The following NALF1 variants were observed in gnomAD, a reference collection of about 807,000 sequenced individuals.
The protein encoded by NALF1 is NALCN channel auxiliary factor 1, also known as family with sequence similarity 155 member A.
A neutral mutation model predicts 48.4 loss-of-function variants in NALF1; 3 were observed. The observed-to-expected ratio is 0.06, with a 90% CI of 0.03 to 0.16. NALF1 has a LOEUF of 0.16. Among genes scored for constraint, NALF1 ranks in the 10% least tolerant of loss-of-function variants. NALF1 has a pLI of 1.00. For missense variants in NALF1, 526 were observed against 571.5 expected (o/e 0.92, Z 0.81); for synonymous variants, 262 against 245.7 (o/e 1.07, Z -0.62).
rs377508883 is a variant in NALF1 at position 107,542,893 on chromosome 13, G to C, written c.915+322789C>G. Reference sequence around the variant, plus strand: ...TGTTTCCAAAACATTAGAAACCATGGCATCAAAATAGTTTATATTTCTTGA... The same window carrying C: ...TGTTTCCAAAACATTAGAAACCATGCCATCAAAATAGTTTATATTTCTTGA... On this transcript the variant is annotated intron_variant, in intron 1 of 2. Coordinates refer to ENST00000375915, the MANE Select transcript of NALF1 (RefSeq NM_001080396.3). 1.5e-3 allele frequency among the ~76,000 whole-genome samples: 228 copies of C among 151,934 alleles called. 4 individuals are homozygous for C. The highest frequency in any genetic ancestry group is 5.1e-3 in the African/African-American group (213 of 41,482).
chr13:107,458,543 G>C (rs781149341), intron 1 of NALF1, among the ~76,000 whole-genome samples: 1 of 152,188 alleles, frequency 6.6e-6, no homozygotes, highest in African/African-American at 2.4e-5. Flanking sequence ...GCCAAGGGCA[G>C]CAGGTCCTCA....
At position 107,517,216 on chromosome 13, in the gene NALF1, A is replaced by T. The variant is rs542918799; in HGVS notation, c.916-306461T>A. 8.5e-5 allele frequency among the ~76,000 whole-genome samples: 13 copies of T among 152,338 alleles called. No homozygotes were observed. The South Asian group carries it at 1.7e-3, about 19-fold the overall frequency. Reference sequence around the variant, plus strand: ...AAAATAGAGTTTAAAATATCAGAACATTTTATAAAATAGAGAAAATAGTCT... The same window carrying T: ...AAAATAGAGTTTAAAATATCAGAACTTTTTATAAAATAGAGAAAATAGTCT... On this transcript the variant is annotated intron_variant, in intron 1 of 2. Coordinates refer to ENST00000375915, the MANE Select transcript of NALF1 (RefSeq NM_001080396.3).
intron 1 of NALF1, among the ~76,000 whole-genome samples, chr13:107,736,649 A>C (rs777515885): frequency 1.3e-4 from 20 of 152,168 alleles, no homozygotes; most frequent in Non-Finnish European, 2.5e-4. Context: ...TGGGGGTTTA[A>C]ATGGTCTCTT....
chr13:107,734,111 G>C (rs936392953), intron 1 of NALF1, among the ~76,000 whole-genome samples: 4 of 152,044 alleles, frequency 2.6e-5, no homozygotes, highest in Admixed American at 2.6e-4. Context: ...TGTTATGACG[G>C]CTATGATGTC....
chr13:107,740,112 T>A (rs35745311), intron 1 of NALF1, among the ~76,000 whole-genome samples: 9,684 of 152,242 alleles, frequency 0.064, 462 homozygotes, highest in South Asian at 0.16. Flanking sequence ...GGAAAAATTG[T>A]CCACAAAACC....
chr13:107,227,052 A>C (rs1019503427), intron 1 of NALF1, among the ~76,000 whole-genome samples: 2 of 152,208 alleles, frequency 1.3e-5, no homozygotes, highest in African/African-American at 2.4e-5. Context: ...CTTTTGACAA[A>C]ACAGAAGAAA....
At chr13:107,525,703 C>T (rs940675655) in intron 1 of NALF1, among the ~76,000 whole-genome samples, 18 of 152,054 alleles carry the variant, frequency 1.2e-4, no homozygotes, top group African/African-American at 3.4e-4. Context: ...GTTTTTCCAA[C>T]GTGGCTCTAC....
chr13:107,269,140 A>G (rs1881102852), intron 1 of NALF1, among the ~76,000 whole-genome samples: 1 of 151,276 alleles, frequency 6.6e-6, no homozygotes, highest in South Asian at 2.1e-4. Flanking sequence ...CCAGCCCGGG[A>G]GACACAGTGA....
chr13:107,193,131 G>A (rs978625639), intron 2 of NALF1, among the ~76,000 whole-genome samples: 4 of 152,068 alleles, frequency 2.6e-5, no homozygotes, highest in African/African-American at 7.2e-5. Context: ...TTTCCTCTTG[G>A]TGGTAGCTGA....
intron 1 of NALF1, among the ~76,000 whole-genome samples, chr13:107,630,539 T>C (rs1254796477): frequency 2.6e-5 from 4 of 152,140 alleles, no homozygotes; most frequent in African/African-American, 4.8e-5. Flanking sequence ...GCAGAAATAC[T>C]GTTTTTACCA....
chr13:107,847,513 C>T (rs554543542), intron 1 of NALF1, among the ~76,000 whole-genome samples: 57 of 152,284 alleles, frequency 3.7e-4, no homozygotes, highest in Non-Finnish European at 7.2e-4. Context: ...GATGACATTA[C>T]ATAAGATTGA....
chr13:107,705,113 AACAGAGGTACTCTTAAGT>A (rs1190508334), intron 1 of NALF1, among the ~76,000 whole-genome samples: 2 of 152,216 alleles, frequency 1.3e-5, no homozygotes, highest in African/African-American at 2.4e-5. Context: ...TATACAAGAA[AACAGAGGTACTCTTAAGT>A]ACAGAGGTAC....
chr13:107,587,219 G>A lies in NALF1; in HGVS notation c.915+278463C>T, dbSNP rs553505315. ...GAAGGGAACACAGACCTCTCACAAGGCTTATAAGAGTTTCTACATATGAAC... is the reference window on the plus strand; with the variant it reads ...GAAGGGAACACAGACCTCTCACAAGACTTATAAGAGTTTCTACATATGAAC... On this transcript the variant is annotated intron_variant, in intron 1 of 2. Coordinates refer to ENST00000375915, the MANE Select transcript of NALF1 (RefSeq NM_001080396.3). Among the ~76,000 whole-genome samples, 239 of 152,120 alleles carry A rather than the reference G, an allele frequency of 1.6e-3. 1 individual carries two copies. The highest frequency in any genetic ancestry group is 5.4e-3 in the African/African-American group (225 of 41,520).
chr13:107,636,959 G>C (rs1214605463), intron 1 of NALF1, among the ~76,000 whole-genome samples: 1 of 150,832 alleles, frequency 6.6e-6, no homozygotes, highest in Non-Finnish European at 1.5e-5. Context: ...GCCACATTAA[G>C]AACAGTGGTC....
intron 1 of NALF1, among the ~76,000 whole-genome samples, chr13:107,680,762 TGA>T (rs915138000): frequency 2.6e-5 from 4 of 151,452 alleles, no homozygotes; most frequent in African/African-American, 9.7e-5. Context: ...TAAGAGTATG[TGA>T]GTGTGCAAAT....
chr13:107,779,019 G>C (rs561064811), intron 1 of NALF1, among the ~76,000 whole-genome samples: 132 of 152,152 alleles, frequency 8.7e-4, no homozygotes, highest in African/African-American at 3.1e-3. Flanking sequence ...GTCAAGTTCT[G>C]CTGCTTCTTT....
At chr13:107,779,432 TATG>T (rs777004901) in intron 1 of NALF1, among the ~76,000 whole-genome samples, 5 of 152,210 alleles carry the variant, frequency 3.3e-5, no homozygotes, top group Non-Finnish European at 7.3e-5. Context: ...GAGTCACACT[TATG>T]ATGATATTGC....
At position 107,165,469 on chromosome 13, in the gene NALF1, T is replaced by A. The variant is rs926469308; in HGVS notation, c.*5028A>T. 2 of 152,220 alleles carry A rather than the reference T, an allele frequency of 1.3e-5. No individual in the cohort carries two copies. Among genetic ancestry groups the A allele is most frequent in the African/African-American group, 4.8e-5 (2 of 41,454 alleles). The allele number at this position is 152,220 out of a possible 1,614,324, so 9.4% of individuals were successfully genotyped here. On this transcript the variant is annotated 3_prime_UTR_variant, in exon 3 of 3. Coordinates refer to ENST00000375915, the MANE Select transcript of NALF1 (RefSeq NM_001080396.3). ...TGTGACCCAGGACAAAATAACCAGG[T>A]GATTTTCTTCTGAGTTTAATCTGAA...
intron 2 of NALF1, among the ~76,000 whole-genome samples, chr13:107,196,621 A>G (rs1879398160): frequency 6.6e-6 from 1 of 152,220 alleles, no homozygotes; most frequent in Admixed American, 6.5e-5. Flanking sequence ...GATGGCACTT[A>G]CATGTGGAAT....
Sources: allele counts gnomAD v4.1 joint callset (sites outside exome capture counted in the v4.1 genomes callset), GRCh38; gene constraint gnomAD v4.1.1; transcripts MANE v1.5; gene names NCBI Gene and HGNC (gene_info 2026-07-23, HGNC 2026-07-21).